Variants in BBX observed in about 807,000 individuals in gnomAD.
BBX encodes HMG box transcription factor BBX.
BBX carries 30 observed loss-of-function variants against 100.2 expected under a neutral mutation model. The observed-to-expected ratio is 0.30, with a 90% CI of 0.22 to 0.41. BBX has a LOEUF of 0.41. Ranked by LOEUF, BBX falls within the 10% of genes least tolerant of loss-of-function variation. The pLI, the probability that BBX is intolerant of heterozygous loss-of-function variation, is 1.00. For missense variants in BBX, 1,023 were observed against 1,129.8 expected (o/e 0.91, Z 1.35); for synonymous variants, 376 against 388.1 (o/e 0.97, Z 0.37).
Position 107,773,756 on chromosome 3 carries a change from T to C in BBX, c.1915+120T>C. 1.1e-6 allele frequency: 1 copy of C among 874,160 alleles called. No homozygotes were observed. The highest frequency in any genetic ancestry group is 1.7e-6 in the Non-Finnish European group (1 of 584,156). The allele number at this position is 874,160 out of a possible 1,614,324, so 54.2% of individuals were successfully genotyped here. On this transcript the variant is annotated intron_variant, in intron 11 of 17. Transcript: ENST00000325805. The surrounding 1 kb of genome is among the most constrained non-coding windows in gnomAD (Gnocchi z 4.1). ...GTATCAAAATAATACCTTACATTTG[T>C]ATATTTCTTTATGGTTTATAGATCA...
chr3:107,692,170 TTTTATTTA>T (rs201883262), intron 3 of BBX, among the ~76,000 whole-genome samples: 172 of 148,118 alleles, frequency 1.2e-3, no homozygotes, highest in South Asian at 7.3e-3. Flanking sequence ...TTTTTAATTA[TTTTATTTA>T]TTTATTTATT....
intron 3 of BBX, among the ~76,000 whole-genome samples, chr3:107,686,013 G>A (rs1020977144): frequency 4.6e-5 from 7 of 152,020 alleles, no homozygotes; most frequent in South Asian, 2.1e-4. Flanking sequence ...TTTCAGAGGC[G>A]GAAAGTGAAG....
chr3:107,565,257 A>C (rs753801427), intron 2 of BBX, among the ~76,000 whole-genome samples: 14 of 151,542 alleles, frequency 9.2e-5, no homozygotes, highest in Non-Finnish European at 1.6e-4. Flanking sequence ...ATCAAATCGT[A>C]AAAGTTGTGT....
intron 10 of BBX, among the ~76,000 whole-genome samples, chr3:107,768,828 T>C (rs2066610032): frequency 1.3e-5 from 2 of 150,688 alleles, no homozygotes. Flanking sequence ...TCATCTAGTA[T>C]AGGCTAGGAA....
intron 3 of BBX, among the ~76,000 whole-genome samples, chr3:107,699,491 C>T (rs978176663): frequency 6.6e-6 from 1 of 151,856 alleles, no homozygotes; most frequent in African/African-American, 2.4e-5. Context: ...TAAAGAGACT[C>T]CCTTTAGGAG....
chr3:107,565,405 G>A (rs1325777881), intron 2 of BBX, among the ~76,000 whole-genome samples: 2 of 149,410 alleles, frequency 1.3e-5, no homozygotes, highest in Non-Finnish European at 3.0e-5. Flanking sequence ...ATTTTAATTA[G>A]TCTAATATTT....
rs115294840 is a variant in BBX, at chr3:107,629,363, T to C, written c.-83-16473T>C. Among the ~76,000 whole-genome samples the C allele has an allele frequency of 5.5e-3, 832 of 152,276 alleles. 7 individuals carry two copies. The highest frequency in any genetic ancestry group is 0.019 in the African/African-American group (800 of 41,554). On this transcript the variant is annotated intron_variant, in intron 2 of 17. Coordinates refer to ENST00000325805, the MANE Select transcript of BBX (RefSeq NM_001142568.3). Reference sequence around the variant, plus strand: ...TATTTCTACATAGAAGGGCCAACTATTTATATAGGGACAAAGATACCGATG... The same window carrying C: ...TATTTCTACATAGAAGGGCCAACTACTTATATAGGGACAAAGATACCGATG...
intron 3 of BBX, among the ~76,000 whole-genome samples, chr3:107,667,014 T>C (rs1188697796): frequency 6.6e-6 from 1 of 152,344 alleles, no homozygotes; most frequent in East Asian, 1.9e-4. Context: ...TCACCCCTCC[T>C]AACTAACTGC....
intron 17 of BBX, 105 bp from the exon 18 acceptor site, chr3:107,805,265 G>GA: frequency 8.1e-7 from 1 of 1,229,786 alleles, no homozygotes. Context: ...AGTAACAGCA[G>GA]TAACTGTTAA....
chr3:107,769,010 C>CGGGGGGGGGGGG (rs35063548), intron 10 of BBX, among the ~76,000 whole-genome samples: 1 of 125,026 alleles, frequency 8.0e-6, no homozygotes, highest in Non-Finnish European at 1.6e-5. Flanking sequence ...TGGGGGGCGG[C>CGGGGGGGGGGGG]GGGGGGGGGG....
At chr3:107,779,002 T>TATATATATATATATATATATATATATATA (rs2067573999) in intron 13 of BBX, among the ~76,000 whole-genome samples, 1 of 69,874 alleles carries the variant, frequency 1.4e-5, no homozygotes, top group Non-Finnish European at 3.4e-5. Flanking sequence ...AACATATATA[T>TATATATATATATATATATATATATATATA]ATATATATAT....
intron 2 of BBX, among the ~76,000 whole-genome samples, chr3:107,631,755 T>C (rs1162313355): frequency 6.6e-6 from 1 of 152,168 alleles, no homozygotes; most frequent in Admixed American, 6.5e-5. Context: ...GGAAGACTCT[T>C]TAACTTCTCT....
At chr3:107,664,490 A>G (rs9879864) in intron 3 of BBX, among the ~76,000 whole-genome samples, 56,279 of 152,106 alleles carry the variant, frequency 0.37, 12,938 homozygotes, top group Middle Eastern at 0.57. Flanking sequence ...GTTTGCCTGT[A>G]AACATCATCT....
chr3:107,697,551 C>A (rs578126059), intron 3 of BBX, among the ~76,000 whole-genome samples: 4 of 152,014 alleles, frequency 2.6e-5, no homozygotes, highest in South Asian at 4.1e-4. Flanking sequence ...GCAGTCTGCC[C>A]GTTCTCAGAT....
chr3:107,536,388 A>T (rs644342), intron 2 of BBX, among the ~76,000 whole-genome samples: 117,422 of 152,084 alleles, frequency 0.77, 46,721 homozygotes, highest in Middle Eastern at 0.84. Flanking sequence ...CTTTTCTTTT[A>T]CCCTGATCCA....
chr3:107,582,513 C>T (rs1427908461), intron 2 of BBX, among the ~76,000 whole-genome samples: 4 of 151,952 alleles, frequency 2.6e-5, no homozygotes, highest in Non-Finnish European at 5.9e-5. Context: ...TAAGACAGTT[C>T]CCAGGGACAA....
At chr3:107,697,852 C>T (rs2060745845) in intron 3 of BBX, among the ~76,000 whole-genome samples, 1 of 151,938 alleles carries the variant, frequency 6.6e-6, no homozygotes, top group Admixed American at 6.5e-5. Context: ...CAGGGAGACT[C>T]CGTGGGCGTA....
At chr3:107,792,052 A>G (rs1190506655) in intron 15 of BBX, among the ~76,000 whole-genome samples, 1 of 152,186 alleles carries the variant, frequency 6.6e-6, no homozygotes, top group African/African-American at 2.4e-5. Context: ...TTAACTAGTC[A>G]TGTTATAGGT....
chr3:107,663,732 T>C (rs1037043539), intron 3 of BBX, among the ~76,000 whole-genome samples: 1 of 152,160 alleles, frequency 6.6e-6, no homozygotes, highest in African/African-American at 2.4e-5. Context: ...TATAATCTTT[T>C]ATTGTATGAA....
Sources: gnomAD v4.1 joint callset for allele counts (sites outside exome capture counted in the v4.1 genomes callset) on GRCh38, gnomAD v4.1.1 for gene constraint, Gnocchi (gnomAD v3.1) non-coding constraint, MANE v1.5 for transcripts, NCBI Gene and HGNC (gene_info 2026-07-23, HGNC 2026-07-21) for gene names.